Variants in CAMTA1 observed in about 807,000 individuals in gnomAD.
CAMTA1 encodes calmodulin binding transcription activator 1, also known as calmodulin-binding transcription activator 1.
CAMTA1 carries 27 observed loss-of-function variants against 170.9 expected under a neutral mutation model. The ratio of observed to expected loss-of-function variants is 0.16; its 90% CI spans 0.12 to 0.22. The LOEUF (loss-of-function observed/expected upper bound fraction) is 0.22. Ranked by LOEUF, CAMTA1 falls within the 10% of genes least tolerant of loss-of-function variation. CAMTA1 has a pLI of 1.00. For missense variants in CAMTA1, 1,619 were observed against 2,217.2 expected (o/e 0.73, Z 5.42); for synonymous variants, 833 against 891.5 (o/e 0.93, Z 1.17).
At chr1:7,526,530 T>C (rs1237175278) in intron 6 of CAMTA1, among the ~76,000 whole-genome samples, 3 of 152,120 alleles carry the variant, frequency 2.0e-5, no homozygotes, top group African/African-American at 7.2e-5. Flanking sequence ...GCTGGCCTCG[T>C]CGGGGTTCAG....
At chr1:7,020,753 A>G (rs1221966480) in intron 3 of CAMTA1, among the ~76,000 whole-genome samples, 3 of 152,192 alleles carry the variant, frequency 2.0e-5, no homozygotes, top group Non-Finnish European at 4.4e-5. Context: ...GGGAAGGACC[A>G]TGATCAGAGA....
At chr1:7,098,714 C>T (rs990844806) in intron 4 of CAMTA1, among the ~76,000 whole-genome samples, 2 of 152,228 alleles carry the variant, frequency 1.3e-5, no homozygotes, top group Non-Finnish European at 2.9e-5. Flanking sequence ...CTCACATCCC[C>T]TCCGTGTCTA....
At chr1:7,040,155 C>T (rs980082464) in intron 3 of CAMTA1, among the ~76,000 whole-genome samples, 4 of 147,832 alleles carry the variant, frequency 2.7e-5, no homozygotes, top group Admixed American at 6.8e-5. Context: ...GACACGCTAA[C>T]TGTGATTTTT....
At chr1:7,708,201 C>G (rs2096541746) in intron 11 of CAMTA1, among the ~76,000 whole-genome samples, 1 of 151,946 alleles carries the variant, frequency 6.6e-6, no homozygotes, top group Non-Finnish European at 1.5e-5. Flanking sequence ...TGTGGCGTTG[C>G]ATGCCTACAG....
At chr1:7,018,409 C>G (rs1339633247) in intron 3 of CAMTA1, among the ~76,000 whole-genome samples, 1 of 152,112 alleles carries the variant, frequency 6.6e-6, no homozygotes, top group African/African-American at 2.4e-5. Flanking sequence ...AGCAGGCTTG[C>G]CTTGAGGAGA....
chr1:7,467,743 C>T (rs2093245631), intron 5 of CAMTA1, 87 bp from the exon 6 acceptor site: 3 of 1,279,058 alleles, frequency 2.3e-6, no homozygotes, highest in Non-Finnish European at 3.4e-6. Context: ...GCTGTGGCCC[C>T]TTCTTGCTCC....
intron 4 of CAMTA1, among the ~76,000 whole-genome samples, chr1:7,238,010 A>G (rs1045936426): frequency 2.0e-5 from 3 of 152,252 alleles, no homozygotes; most frequent in Non-Finnish European, 4.4e-5. Context: ...TTTAAGATAC[A>G]ACCTAGATCT....
At chr1:7,336,138 G>C (rs1388311825) in intron 5 of CAMTA1, among the ~76,000 whole-genome samples, 1 of 152,228 alleles carries the variant, frequency 6.6e-6, no homozygotes, top group Non-Finnish European at 1.5e-5. Flanking sequence ...TGGACTGGGT[G>C]TTGGGGAGGG....
At chr1:7,121,636 C>G (rs1200066441) in intron 4 of CAMTA1, among the ~76,000 whole-genome samples, 1 of 152,206 alleles carries the variant, frequency 6.6e-6, no homozygotes, top group Non-Finnish European at 1.5e-5. Context: ...ACCTCAGTGC[C>G]CAGGGGGTCT....
Position 7,159,712 on chromosome 1 carries a change from TA to T in CAMTA1, c.302+68349del, listed in dbSNP as rs995691408. ...TTGCACAGGATCATACCTGGCTAAT[TA>T]AAAAAAATTTTTTTTGTAGAGATGG... On this transcript the variant is annotated intron_variant, in intron 4 of 22. Coordinates refer to ENST00000303635, the MANE Select transcript of CAMTA1 (RefSeq NM_015215.4). Among the ~76,000 whole-genome samples, 28 of 152,020 alleles carry T rather than the reference TA, an allele frequency of 1.8e-4. No individual in the cohort carries two copies. In the South Asian group the frequency reaches 3.1e-3, roughly 17 times the overall value.
chr1:7,326,800 G>A (rs1340194882), intron 5 of CAMTA1, among the ~76,000 whole-genome samples: 2 of 152,154 alleles, frequency 1.3e-5, no homozygotes, highest in African/African-American at 4.8e-5. Context: ...ACTTTGTTAT[G>A]GCAGCCCCAA....
chr1:7,137,973 T>C (rs1465510251), intron 4 of CAMTA1, among the ~76,000 whole-genome samples: 1 of 152,158 alleles, frequency 6.6e-6, no homozygotes, highest in Non-Finnish European at 1.5e-5. Flanking sequence ...AGGGACTCAG[T>C]ACATTTTATT....
chr1:6,873,259 T>C (rs1231025541), intron 3 of CAMTA1, among the ~76,000 whole-genome samples: 1 of 152,186 alleles, frequency 6.6e-6, no homozygotes, highest in East Asian at 1.9e-4. Context: ...GGTGATTTTT[T>C]TTTTTTTTAA....
At chr1:7,336,030 T>C (rs956162255) in intron 5 of CAMTA1, among the ~76,000 whole-genome samples, 13 of 152,216 alleles carry the variant, frequency 8.5e-5, no homozygotes, top group African/African-American at 3.1e-4. Flanking sequence ...CACCTGTGAT[T>C]TTATTTTTCA....
intron 6 of CAMTA1, among the ~76,000 whole-genome samples, chr1:7,627,556 C>G (rs768226945): frequency 6.6e-6 from 1 of 152,170 alleles, no homozygotes; most frequent in Admixed American, 6.5e-5. Context: ...CTGTTCTCTC[C>G]ATTGTATGGA....
intron 22 of CAMTA1, among the ~76,000 whole-genome samples, chr1:7,764,868 G>A (rs1464209765): frequency 1.3e-5 from 2 of 151,904 alleles, no homozygotes; most frequent in African/African-American, 4.8e-5. Context: ...GCTGAGGCAG[G>A]AGAATCACTT....
chr1:7,644,783 G>A (rs945006507), intron 7 of CAMTA1, among the ~76,000 whole-genome samples: 3 of 152,182 alleles, frequency 2.0e-5, no homozygotes, highest in South Asian at 2.1e-4. Context: ...GGGAAGTGTC[G>A]TTTTTTGCTT....
chr1:7,103,811 C>T (rs1032140976), intron 4 of CAMTA1, among the ~76,000 whole-genome samples: 1 of 139,036 alleles, frequency 7.2e-6, no homozygotes. Flanking sequence ...CATATACATA[C>T]AACTACACAC....
intron 3 of CAMTA1, among the ~76,000 whole-genome samples, chr1:6,926,026 GA>G (rs1200363483): frequency 9.2e-5 from 14 of 152,196 alleles, no homozygotes; most frequent in Admixed American, 7.9e-4. Context: ...GCCACTTACT[GA>G]GCACTTAACT....
Sources: allele counts gnomAD v4.1 joint callset (sites outside exome capture counted in the v4.1 genomes callset), GRCh38; gene constraint gnomAD v4.1.1; transcripts MANE v1.5; gene names NCBI Gene and HGNC (gene_info 2026-07-23, HGNC 2026-07-21).